The following LEKR1 variants were observed in gnomAD, a reference collection of about 807,000 sequenced individuals.
LEKR1 encodes protein LEKR1.
Under a neutral mutation model 72.4 loss-of-function variants are expected in LEKR1, and 59 were observed. That is an observed-to-expected ratio of 0.82 (90% CI 0.66 to 1.01). The LOEUF is 1.01. LEKR1 is among the 50% of genes least tolerant of loss of function. The pLI is 0.00. For missense variants in LEKR1, 728 were observed against 759.2 expected (o/e 0.96, Z 0.48); for synonymous variants, 257 against 263.2 (o/e 0.98, Z 0.23).
chr3:156,894,957 C>T (rs1186810014), intron 3 of LEKR1, among the ~76,000 whole-genome samples: 3 of 152,124 alleles, frequency 2.0e-5, no homozygotes, highest in African/African-American at 4.8e-5. Flanking sequence ...TGAGGCAATA[C>T]CGTTCAGGAC....
chr3:156,892,654 C>G (rs1050994619), intron 3 of LEKR1, among the ~76,000 whole-genome samples: 2 of 152,234 alleles, frequency 1.3e-5, no homozygotes, highest in African/African-American at 4.8e-5. Flanking sequence ...CTGCCTCACA[C>G]TGACCATAAC....
chr3:156,984,133 A>G (rs1042502274), intron 7 of LEKR1, among the ~76,000 whole-genome samples: 8 of 152,208 alleles, frequency 5.3e-5, no homozygotes, highest in African/African-American at 1.7e-4. Context: ...GATCCCATTC[A>G]TGCTAAAAAT....
chr3:157,028,853 A>G (rs1328643765), intron 12 of LEKR1, among the ~76,000 whole-genome samples: 1 of 152,238 alleles, frequency 6.6e-6, no homozygotes, highest in Admixed American at 6.5e-5. Flanking sequence ...TAAACTTATA[A>G]GGTAATATGC....
At chr3:157,018,846 C>A (rs1019325764) in intron 10 of LEKR1, among the ~76,000 whole-genome samples, 1 of 152,144 alleles carries the variant, frequency 6.6e-6, no homozygotes, top group Admixed American at 6.5e-5. Context: ...CTATACCATA[C>A]CACCCTAGCT....
intron 9 of LEKR1, among the ~76,000 whole-genome samples, chr3:156,995,845 T>G (rs1731516316): frequency 1.3e-5 from 2 of 152,086 alleles, no homozygotes; most frequent in African/African-American, 4.8e-5. Flanking sequence ...AATAAATAAA[T>G]AAATTTTTTA....
intron 9 of LEKR1, among the ~76,000 whole-genome samples, chr3:156,998,974 A>G (rs1731801779): frequency 1.3e-5 from 2 of 152,112 alleles, no homozygotes; most frequent in Non-Finnish European, 2.9e-5. Flanking sequence ...TGATTGAATC[A>G]TGGGGGCAGT....
At chr3:156,974,374 T>C (rs1040506701) in intron 6 of LEKR1, among the ~76,000 whole-genome samples, 14 of 152,166 alleles carry the variant, frequency 9.2e-5, no homozygotes, top group African/African-American at 3.4e-4. Flanking sequence ...AGGTATACAT[T>C]AAATTCACAA....
At chr3:156,920,528 T>C in intron 3 of LEKR1, 47 bp from the exon 4 acceptor site, 2 of 1,193,708 alleles carry the variant, frequency 1.7e-6, no homozygotes, top group South Asian at 1.5e-5. Flanking sequence ...AACTTGAAAA[T>C]TGTACATATG....
chr3:156,849,174 A>C (rs989769681), intron 2 of LEKR1, among the ~76,000 whole-genome samples: 4 of 152,202 alleles, frequency 2.6e-5, no homozygotes, highest in African/African-American at 7.2e-5. Context: ...CAAAGAGAAT[A>C]AAATACCTAG....
chr3:157,030,574 T>C (rs1291304571), intron 12 of LEKR1, among the ~76,000 whole-genome samples: 1 of 152,220 alleles, frequency 6.6e-6, no homozygotes, highest in Non-Finnish European at 1.5e-5. Flanking sequence ...AGAGCCTGTA[T>C]AAGTTATCTA....
chr3:156,989,648 T>C (rs1172679553), intron 7 of LEKR1, among the ~76,000 whole-genome samples: 6 of 152,250 alleles, frequency 3.9e-5, no homozygotes, highest in African/African-American at 1.4e-4. Flanking sequence ...TTTCTAATGT[T>C]TTATTTGGAA....
rs1017232930 is a variant in LEKR1 at position 156,881,063 on chromosome 3, G to C, written c.263+28081G>C. On this transcript the variant is annotated intron_variant, in intron 3 of 12. Transcript: ENST00000356539. ...ATATCATACTGAATGGGCAAAAACT[G>C]GAAGCATTCTCTTTGAAAACTGGCA... Among the ~76,000 whole-genome samples the C allele has an allele frequency of 5.9e-4, 90 of 152,274 alleles. No homozygotes were observed. The Middle Eastern group carries it at 0.01, about 17-fold the overall frequency.
Position 156,924,596 on chromosome 3 carries a change from A to G in LEKR1, c.384-2833A>G, listed in dbSNP as rs975776352. On this transcript the variant is annotated intron_variant, in intron 4 of 12. Coordinates refer to ENST00000356539, the MANE Select transcript of LEKR1 (RefSeq NM_001004316.3). ...TGTTTTATAGTTTTAGCTCTTCTTT[A>G]GATCTATGATCTATTTCAGCTAACT... The G allele has an allele frequency of 1.1e-5, 7 of 609,992 alleles. No individual in the cohort carries two copies. In the African/African-American group the frequency reaches 1.3e-4, roughly 11 times the overall value. The allele number at this position is 609,992 out of a possible 1,614,324, so 37.8% of individuals were successfully genotyped here.
At chr3:156,954,989 C>T (rs1297369964) in intron 6 of LEKR1, among the ~76,000 whole-genome samples, 2 of 152,044 alleles carry the variant, frequency 1.3e-5, no homozygotes, top group East Asian at 1.9e-4. Flanking sequence ...TATCCATGAG[C>T]ATGGAATGTT....
intron 2 of LEKR1, among the ~76,000 whole-genome samples, chr3:156,831,912 T>C (rs944869843): frequency 2.0e-5 from 3 of 152,098 alleles, no homozygotes; most frequent in Non-Finnish European, 2.9e-5. Context: ...ACTGTTACAA[T>C]TTTTGCAAAG....
intron 3 of LEKR1, among the ~76,000 whole-genome samples, chr3:156,860,348 C>T (rs1315230952): frequency 6.6e-6 from 1 of 152,184 alleles, no homozygotes; most frequent in Admixed American, 6.6e-5. Flanking sequence ...TTCTCCTCCG[C>T]TTATGCCAAA....
At position 156,989,780 on chromosome 3, in the gene LEKR1, C is replaced by G. The variant is rs566251177; in HGVS notation, c.828-2873C>G. Among the ~76,000 whole-genome samples the G allele has an allele frequency of 3.9e-5, 6 of 152,058 alleles. No individual in the cohort carries two copies. The South Asian group carries it at 1.2e-3, about 32-fold the overall frequency. On this transcript the variant is annotated intron_variant, in intron 7 of 12. Coordinates refer to ENST00000356539, the MANE Select transcript of LEKR1 (RefSeq NM_001004316.3). ...TCATTTGCTTTCTCTCTCTCTCTCC[C>G]TCTTTACCCTCCTTCTCTTCCTCCC...
At chr3:156,891,612 T>C (rs1458018612) in intron 3 of LEKR1, among the ~76,000 whole-genome samples, 1 of 152,196 alleles carries the variant, frequency 6.6e-6, no homozygotes, top group African/African-American at 2.4e-5. Flanking sequence ...CAACTGAATG[T>C]GGTTCAGTTT....
chr3:156,860,764 T>C (rs1315036858), intron 3 of LEKR1, among the ~76,000 whole-genome samples: 2 of 152,104 alleles, frequency 1.3e-5, no homozygotes, highest in Non-Finnish European at 2.9e-5. Flanking sequence ...GGACAAAGGT[T>C]TATTTCTTGA....
Sources: gnomAD v4.1 joint callset for allele counts (sites outside exome capture counted in the v4.1 genomes callset) on GRCh38, gnomAD v4.1.1 for gene constraint, MANE v1.5 for transcripts, NCBI Gene and HGNC (gene_info 2026-07-23, HGNC 2026-07-21) for gene names.